Variants in RBFOX1 observed in about 807,000 individuals in gnomAD.
RBFOX1 encodes the protein RNA binding protein fox-1 homolog 1.
RBFOX1 carries 8 observed loss-of-function variants against 57.7 expected under a neutral mutation model. That is an observed-to-expected ratio of 0.14 (90% CI 0.08 to 0.25). The LOEUF is 0.25. Ranked by LOEUF, RBFOX1 falls within the 10% of genes least tolerant of loss-of-function variation. RBFOX1 has a pLI of 1.00. For synonymous variants in RBFOX1, 326 were observed against 222.4 expected, an observed-to-expected ratio of 1.47 and a Z score of -4.15; for missense variants, 611 against 548.5, an observed-to-expected ratio of 1.11 and a Z score of -1.14.
At chr16:7,304,355 C>G in intron 4 of RBFOX1, 1 of 985,376 alleles carries the variant, frequency 1.0e-6, no homozygotes, top group Non-Finnish European at 1.2e-6. Flanking sequence ...CAAGCGTCCC[C>G]ACTCGGGCTC....
chr16:7,272,027 A>G (rs1053234013), intron 4 of RBFOX1, among the ~76,000 whole-genome samples: 1 of 152,216 alleles, frequency 6.6e-6, no homozygotes, highest in African/African-American at 2.4e-5. Flanking sequence ...GGAATAGAGA[A>G]TACCACTTTG....
rs901846980 is a variant in RBFOX1, at chr16:6,128,562, G to A, written c.-127+108570G>A. ...GGTAGTTGGTGCCAAGCACTGTGACGTTCTCACTGAGCTGAAGATTTGAAG... is the reference window on the plus strand; with the variant it reads ...GGTAGTTGGTGCCAAGCACTGTGACATTCTCACTGAGCTGAAGATTTGAAG... On this transcript the variant is annotated intron_variant, in intron 1 of 15. Transcript: ENST00000550418. 3.9e-5 allele frequency among the ~76,000 whole-genome samples: 6 copies of A among 152,188 alleles called. No individual in the cohort carries two copies. The South Asian group carries it at 8.3e-4, about 21-fold the overall frequency.
chr16:5,702,486 A>G (rs1465546752), intron 3 of RBFOX1, among the ~76,000 whole-genome samples: 1 of 152,222 alleles, frequency 6.6e-6, no homozygotes, highest in Non-Finnish European at 1.5e-5. Context: ...TCAATTAGCT[A>G]GGCCAGCGAG....
intron 3 of RBFOX1, among the ~76,000 whole-genome samples, chr16:6,703,683 G>C (rs1004737818): frequency 3.9e-5 from 6 of 152,038 alleles, no homozygotes; most frequent in African/African-American, 1.5e-4. Context: ...CTCCAGCCTG[G>C]ATGACACAGT....
rs533742970 is a variant in RBFOX1, at chr16:6,889,429, A to C, written c.-15-162628A>C. On this transcript the variant is annotated intron_variant, in intron 3 of 15. Transcript: ENST00000550418. ...GGCTCTGTCAACTTGGATTTCCAGA[A>C]AAAGGAGAACGTGGAACAGATAACT... Among the ~76,000 whole-genome samples, 2 of 152,344 alleles carry C rather than the reference A, an allele frequency of 1.3e-5. 1 individual carries two copies. The highest frequency in any genetic ancestry group is 1.3e-4 in the Admixed American group (2 of 15,300).
At chr16:6,123,852 C>T (rs1462374583) in intron 1 of RBFOX1, among the ~76,000 whole-genome samples, 3 of 152,140 alleles carry the variant, frequency 2.0e-5, no homozygotes, top group African/African-American at 7.2e-5. Flanking sequence ...TTGCAGTGAG[C>T]TGAGAATGTA....
intron 1 of RBFOX1, among the ~76,000 whole-genome samples, chr16:5,328,116 G>C (rs1032137744): frequency 6.6e-6 from 1 of 152,140 alleles, no homozygotes; most frequent in Non-Finnish European, 1.5e-5. Flanking sequence ...GCCCTTTTGT[G>C]CCTGTTATGG....
At chr16:6,015,555 C>A (rs1309643776), upstream of RBFOX1, among the ~76,000 whole-genome samples, 1 of 152,222 alleles carries the variant, frequency 6.6e-6, no homozygotes, top group Non-Finnish European at 1.5e-5. Flanking sequence ...AGCTTCTACT[C>A]TCTTGGCTCT....
chr16:5,757,791 A>C (rs2053452557), intron 3 of RBFOX1, among the ~76,000 whole-genome samples: 2 of 152,342 alleles, frequency 1.3e-5, no homozygotes, highest in South Asian at 4.1e-4. Flanking sequence ...TAGTAAGTGG[A>C]GGAGCAGATT....
chr16:5,691,781 T>C (rs988066422), intron 3 of RBFOX1, among the ~76,000 whole-genome samples: 5 of 152,062 alleles, frequency 3.3e-5, no homozygotes, highest in African/African-American at 1.2e-4. Context: ...TTTTTTTTTA[T>C]TTTACAAAAG....
chr16:7,020,862 C>T (rs1408753732), intron 3 of RBFOX1, among the ~76,000 whole-genome samples: 15 of 152,154 alleles, frequency 9.9e-5, no homozygotes, highest in Admixed American at 7.9e-4. Flanking sequence ...CTTGAAGGCT[C>T]ATGCCTGTAA....
intron 2 of RBFOX1, among the ~76,000 whole-genome samples, chr16:6,588,256 T>C (rs2097659122): frequency 6.6e-6 from 1 of 151,908 alleles, no homozygotes; most frequent in Non-Finnish European, 1.5e-5. Context: ...AAGGCAGTTT[T>C]GCTATACAGC....
chr16:7,453,078 G>C (rs2057707282), intron 4 of RBFOX1, among the ~76,000 whole-genome samples: 1 of 148,186 alleles, frequency 6.7e-6, no homozygotes, highest in Admixed American at 6.8e-5. Flanking sequence ...GCAGTGAGCT[G>C]AGATCGCACC....
At chr16:5,563,094 C>T (rs1410462896) in intron 2 of RBFOX1, among the ~76,000 whole-genome samples, 1 of 152,148 alleles carries the variant, frequency 6.6e-6, no homozygotes, top group Non-Finnish European at 1.5e-5. Context: ...GGCTTACAGG[C>T]ACCCGCCACC....
intron 4 of RBFOX1, among the ~76,000 whole-genome samples, chr16:7,268,873 C>T (rs535254855): frequency 7.2e-5 from 11 of 151,848 alleles, no homozygotes; most frequent in African/African-American, 2.7e-4. Flanking sequence ...CCCATCTCTA[C>T]TAAAAATACA....
At chr16:5,335,768 A>G (rs1389453677) in intron 1 of RBFOX1, among the ~76,000 whole-genome samples, 1 of 152,210 alleles carries the variant, frequency 6.6e-6, no homozygotes, top group African/African-American at 2.4e-5. Context: ...AGAAGCCAGC[A>G]TAACCACCTG....
In RBFOX1 at chr16:7,296,150, C is replaced by T. The variant is rs536766933; in HGVS notation, c.28-221997C>T. 7.3e-5 allele frequency among the ~76,000 whole-genome samples: 11 copies of T among 150,492 alleles called. No homozygotes were observed. In the Middle Eastern group the frequency reaches 0.011, roughly 145 times the overall value. On this transcript the variant is annotated intron_variant, in intron 4 of 15. Coordinates refer to ENST00000550418, the MANE Select transcript of RBFOX1 (RefSeq NM_018723.4). ...TCATTGGATTCTGTAATGACATTTTCGACAGACTGCAGCTAAATGAGAAAA... is the reference window on the plus strand; with the variant it reads ...TCATTGGATTCTGTAATGACATTTTTGACAGACTGCAGCTAAATGAGAAAA...
intron 4 of RBFOX1, among the ~76,000 whole-genome samples, chr16:7,367,851 T>C (rs1054065386): frequency 6.6e-6 from 1 of 151,524 alleles, no homozygotes; most frequent in Non-Finnish European, 1.5e-5. Flanking sequence ...TATATGCATA[T>C]ATATGTGCAT....
In RBFOX1 at chr16:6,264,552, C is replaced by T. The variant is rs80065069; in HGVS notation, c.-126-52443C>T. 8.1e-3 allele frequency among the ~76,000 whole-genome samples: 1,235 copies of T among 152,296 alleles called. 13 individuals are homozygous for T. Among genetic ancestry groups the T allele is most frequent in the Non-Finnish European group, 0.012 (803 of 68,020 alleles). On this transcript the variant is annotated intron_variant, in intron 1 of 15. Coordinates refer to ENST00000550418, the MANE Select transcript of RBFOX1 (RefSeq NM_018723.4). Reference sequence around the variant, plus strand: ...ATTCACCTCCTCGCTCACATCACTACAGCCACAGGGCCCTTCTCTGCAGAC... The same window carrying T: ...ATTCACCTCCTCGCTCACATCACTATAGCCACAGGGCCCTTCTCTGCAGAC...
Sources: allele counts gnomAD v4.1 joint callset (sites outside exome capture counted in the v4.1 genomes callset), GRCh38; gene constraint gnomAD v4.1.1; transcripts MANE v1.5; gene names NCBI Gene and HGNC (gene_info 2026-07-23, HGNC 2026-07-21).